The following BANP variants were observed in gnomAD, a reference collection of about 807,000 sequenced individuals.
BANP encodes BTG3 associated nuclear protein.
Under a neutral mutation model 68.1 loss-of-function variants are expected in BANP, and 11 were observed. The observed-to-expected ratio is 0.16, with a 90% confidence interval of 0.10 to 0.27. The LOEUF (loss-of-function observed/expected upper bound fraction) is 0.27. Ranked by LOEUF, BANP falls within the 10% of genes least tolerant of loss-of-function variation. The probability of loss-of-function intolerance (pLI) is 1.00; values close to 1 mark genes in which losing one functional copy is unlikely to be tolerated. For missense variants in BANP, 504 were observed against 722.7 expected (o/e 0.70, Z 3.47); for synonymous variants, 329 against 303.2 (o/e 1.09, Z -0.88).
Position 88,036,092 on chromosome 16 carries a change from G to A in BANP, c.1272+698G>A, listed in dbSNP as rs1173040879. On this transcript the variant is annotated intron_variant, in intron 10 of 13. Coordinates refer to ENST00000682872, the MANE Select transcript of BANP (RefSeq NM_001386991.1). The surrounding 1 kb of genome is among the most constrained non-coding windows in gnomAD (Gnocchi z 4.2). ...GAGCAGGACTGTCTCCCGGGTGACC[G>A]TCCTTCGACTCTGGGCTGTTTCCTG... is the stretch of plus-strand genomic sequence containing the variant. Among the ~76,000 whole-genome samples the A allele has an allele frequency of 1.3e-5, 2 of 152,228 alleles. No homozygotes were observed. Among genetic ancestry groups the A allele is most frequent in the African/African-American group, 2.4e-5 (1 of 41,456 alleles).
chr16:87,990,984 G>A (rs1253945925), intron 4 of BANP, among the ~76,000 whole-genome samples: 4 of 152,116 alleles, frequency 2.6e-5, no homozygotes, highest in East Asian at 1.9e-4. Context: ...GGATGGTCTC[G>A]ATCTCCTGAC....
chr16:88,042,354 TC>T (rs987002466), intron 11 of BANP, among the ~76,000 whole-genome samples: 2 of 152,160 alleles, frequency 1.3e-5, no homozygotes, highest in African/African-American at 4.8e-5. Context: ...AGCTTCCTCC[TC>T]CCCGAGCTGT....
At chr16:87,965,131 G>C (rs2059804646) in intron 1 of BANP, among the ~76,000 whole-genome samples, 1 of 152,212 alleles carries the variant, frequency 6.6e-6, no homozygotes, top group African/African-American at 2.4e-5. Context: ...CTCAAGTCAG[G>C]AAGTGGATGT....
At chr16:88,033,543 C>T (rs1255349150) in intron 9 of BANP, among the ~76,000 whole-genome samples, 3 of 152,190 alleles carry the variant, frequency 2.0e-5, no homozygotes, top group Admixed American at 6.5e-5. Context: ...AGGGTCAGGC[C>T]GTGCGGTGGT....
chr16:88,063,273 C>T (rs2087426486), intron 11 of BANP, among the ~76,000 whole-genome samples: 1 of 152,220 alleles, frequency 6.6e-6, no homozygotes, highest in Non-Finnish European at 1.5e-5. Context: ...GCCTCTCAGC[C>T]CTCCCCTCCC....
In BANP at chr16:87,957,864, C is replaced by T. The variant is rs1252840713; in HGVS notation, c.-69+6349C>T. On this transcript the variant is annotated intron_variant, in intron 1 of 13. Coordinates refer to ENST00000682872, the MANE Select transcript of BANP (RefSeq NM_001386991.1). The surrounding 1 kb of genome is among the most constrained non-coding windows in gnomAD (Gnocchi z 4.3). Reference sequence around the variant, plus strand: ...TGCAAGCTCTGTGGGCGCTGGTGGCCAGGATGCGGACAACCCCTGCCGCTA... The same window carrying T: ...TGCAAGCTCTGTGGGCGCTGGTGGCTAGGATGCGGACAACCCCTGCCGCTA... Among the ~76,000 whole-genome samples, 1 of 151,924 alleles carries T rather than the reference C, an allele frequency of 6.6e-6. No individual in the cohort carries two copies. Among genetic ancestry groups the T allele is most frequent in the African/African-American group, 2.4e-5 (1 of 41,352 alleles).
intron 1 of BANP, among the ~76,000 whole-genome samples, chr16:87,951,872 A>C (rs2056961049): frequency 6.6e-6 from 1 of 152,114 alleles, no homozygotes; most frequent in East Asian, 1.9e-4. Flanking sequence ...GAGACTGGAA[A>C]GGCCTAGAAC....
At chr16:88,029,688 A>T (rs1363314590) in intron 8 of BANP, among the ~76,000 whole-genome samples, 2 of 151,760 alleles carry the variant, frequency 1.3e-5, no homozygotes, top group East Asian at 1.9e-4. Flanking sequence ...TTCTCTTGCC[A>T]TTGAAATCTG....
At chr16:87,972,807 C>T (rs12927305) in intron 1 of BANP, among the ~76,000 whole-genome samples, 52,999 of 152,014 alleles carry the variant, frequency 0.35, 10,529 homozygotes, top group Non-Finnish European at 0.47. Flanking sequence ...AGTTCCAAGC[C>T]GTTTCTTTTC....
chr16:88,068,622 T>A (rs911432855), intron 12 of BANP, among the ~76,000 whole-genome samples: 3 of 152,056 alleles, frequency 2.0e-5, no homozygotes, highest in Non-Finnish European at 4.4e-5. Flanking sequence ...GCTGGCTGCC[T>A]CCTCCAGTGG....
intron 11 of BANP, among the ~76,000 whole-genome samples, chr16:88,049,302 T>C (rs1258975064): frequency 6.6e-6 from 1 of 152,168 alleles, no homozygotes; most frequent in East Asian, 1.9e-4. Flanking sequence ...TTTTGTTTAC[T>C]GTGTTTATTA....
chr16:88,028,946 T>G (rs1397318926), intron 8 of BANP, among the ~76,000 whole-genome samples: 1 of 152,254 alleles, frequency 6.6e-6, no homozygotes, highest in Non-Finnish European at 1.5e-5. Flanking sequence ...TCCCTTTGTC[T>G]TTCATTGTAG....
In BANP at chr16:87,974,798, A is replaced by T. The variant is rs371114233; in HGVS notation, c.-68-250A>T. Among the ~76,000 whole-genome samples the T allele has an allele frequency of 3.9e-5, 6 of 152,244 alleles. No individual in the cohort carries two copies. The East Asian group carries it at 9.7e-4, about 25-fold the overall frequency. ...GGCTTTGGAAGGGCATGAGGAACAC[A>T]GTGGAAACGGAGAGGCCCCGGGTGG... is the stretch of plus-strand genomic sequence containing the variant. On this transcript the variant is annotated intron_variant, in intron 1 of 13. Transcript: ENST00000682872.
At chr16:88,049,885 C>T (rs1409711162) in intron 11 of BANP, among the ~76,000 whole-genome samples, 1 of 152,214 alleles carries the variant, frequency 6.6e-6, no homozygotes, top group African/African-American at 2.4e-5. Flanking sequence ...TTTCCTCCTC[C>T]CTCTGATTTC....
intron 1 of BANP, among the ~76,000 whole-genome samples, chr16:87,955,327 C>G (rs1462356134): frequency 6.6e-6 from 1 of 152,162 alleles, no homozygotes; most frequent in Admixed American, 6.5e-5. Context: ...CAGGCCCTAC[C>G]CAGGTTCTCG....
At chr16:88,031,950 G>A (rs1197123119) in intron 8 of BANP, among the ~76,000 whole-genome samples, 15 of 151,610 alleles carry the variant, frequency 9.9e-5, no homozygotes, top group African/African-American at 2.7e-4. Context: ...GACTACAGAC[G>A]CGTGCCACCA....
At chr16:88,072,032 C>T in intron 12 of BANP, 37 bp from the exon 13 acceptor site, 1 of 1,543,728 alleles carries the variant, frequency 6.5e-7, no homozygotes. Context: ...GGGTTGTGGG[C>T]CACGCCGCTG....
chr16:88,065,159 C>G, intron 11 of BANP, 108 bp from the exon 12 acceptor site: 1 of 595,294 alleles, frequency 1.7e-6, no homozygotes, highest in Non-Finnish European at 3.0e-6. Flanking sequence ...GACCCCGTGG[C>G]TTTACCGGAG....
At chr16:87,958,484 C>G (rs577084268) in intron 1 of BANP, among the ~76,000 whole-genome samples, 1 of 152,300 alleles carries the variant, frequency 6.6e-6, no homozygotes, top group Admixed American at 6.5e-5. Flanking sequence ...TGGTTATGCA[C>G]AGCATTTGAC....
Sources: gnomAD v4.1 joint callset for allele counts (sites outside exome capture counted in the v4.1 genomes callset) on GRCh38, gnomAD v4.1.1 for gene constraint, Gnocchi (gnomAD v3.1) non-coding constraint, MANE v1.5 for transcripts, NCBI Gene and HGNC (gene_info 2026-07-23, HGNC 2026-07-21) for gene names.